The following ACVR2A variants were observed in gnomAD, a reference collection of about 807,000 sequenced individuals.
ACVR2A encodes activin A receptor type 2A, also known as activin receptor type-2A.
ACVR2A carries 7 observed loss-of-function variants against 61.4 expected under a neutral mutation model. The ratio of observed to expected loss-of-function variants is 0.11; its 90% CI spans 0.06 to 0.21. The LOEUF is 0.21. Among genes scored for constraint, ACVR2A ranks in the 10% least tolerant of loss-of-function variants. The probability of loss-of-function intolerance (pLI) is 1.00; values close to 1 mark genes in which losing one functional copy is unlikely to be tolerated. For missense variants in ACVR2A, 322 were observed against 621.7 expected, an observed-to-expected ratio of 0.52 and a Z score of 5.13; for synonymous variants, 193 against 208.3, an observed-to-expected ratio of 0.93 and a Z score of 0.63.
In ACVR2A at chr2:147,929,518, T is replaced by G. The variant is rs1322724952; in HGVS notation, c.*2244T>G. 6.6e-6 allele frequency: 1 copy of G among 152,466 alleles called. No homozygotes were observed. Among genetic ancestry groups the G allele is most frequent in the Admixed American group, 6.6e-5 (1 of 15,212 alleles). The allele number at this position is 152,466 out of a possible 1,614,324, so 9.4% of individuals were successfully genotyped here. ...TTTTTAGAAATCCTGGGTATTGTAT[T>G]TAACTGTAGCTAACCAATTTTAAAA... On this transcript the variant is annotated 3_prime_UTR_variant, in exon 11 of 11. Coordinates refer to ENST00000241416, the MANE Select transcript of ACVR2A (RefSeq NM_001616.5).
intron 9 of ACVR2A, among the ~76,000 whole-genome samples, chr2:147,923,745 AATAAT>A (rs1392519384): frequency 6.6e-6 from 1 of 151,964 alleles, no homozygotes; most frequent in Non-Finnish European, 1.5e-5. Context: ...TTTTGTTTTG[AATAAT>A]ATAAGGCAAA....
intron 1 of ACVR2A, among the ~76,000 whole-genome samples, chr2:147,892,646 A>G (rs1320378881): frequency 6.6e-6 from 1 of 151,798 alleles, no homozygotes; most frequent in East Asian, 1.9e-4. Flanking sequence ...AAAACAAAAA[A>G]TTAGTAAAAT....
intron 1 of ACVR2A, among the ~76,000 whole-genome samples, chr2:147,851,708 G>A (rs1333612417): frequency 2.0e-5 from 3 of 152,014 alleles, no homozygotes; most frequent in African/African-American, 7.2e-5. Flanking sequence ...AAATGACCTT[G>A]ATTTCAGTAA....
intron 1 of ACVR2A, among the ~76,000 whole-genome samples, chr2:147,880,211 A>T (rs974969617): frequency 3.3e-5 from 5 of 151,460 alleles, no homozygotes; most frequent in East Asian, 3.9e-4. Flanking sequence ...TTTTTATTTT[A>T]AAAAAAATTT....
intron 1 of ACVR2A, 28 bp downstream of exon 1, chr2:147,845,235 GGCTGCTCCTGCGGCCGCGGCGGCC>G (rs762655308): frequency 1.2e-6 from 2 of 1,606,754 alleles, no homozygotes; most frequent in Non-Finnish European, 8.5e-7. Flanking sequence ...GGCGCGGTGG[GGCTGCTCCTGCGGCCGCGGCGGCC>G]GCTGCTGGGG....
At chr2:147,899,059 T>C (rs1686812803) in intron 2 of ACVR2A, among the ~76,000 whole-genome samples, 1 of 152,138 alleles carries the variant, frequency 6.6e-6, no homozygotes. Flanking sequence ...TTTTCAGTTT[T>C]TGTATTCACA....
intron 1 of ACVR2A, among the ~76,000 whole-genome samples, chr2:147,883,401 G>A (rs1362107697): frequency 6.6e-6 from 1 of 152,188 alleles, no homozygotes; most frequent in East Asian, 1.9e-4. Flanking sequence ...ATGTTGGCCA[G>A]GCTGGTCTAA....
At chr2:147,883,769 T>C (rs901796325) in intron 1 of ACVR2A, among the ~76,000 whole-genome samples, 7 of 152,182 alleles carry the variant, frequency 4.6e-5, no homozygotes, top group Non-Finnish European at 7.4e-5. Flanking sequence ...GACCAAATAT[T>C]GCTTTGATGG....
chr2:147,846,385 T>G (rs554614276), intron 1 of ACVR2A, among the ~76,000 whole-genome samples: 117 of 150,646 alleles, frequency 7.8e-4, no homozygotes, highest in East Asian at 2.1e-3. Flanking sequence ...CTCTGTGGGG[T>G]GTGTGTGTGT....
intron 1 of ACVR2A, among the ~76,000 whole-genome samples, chr2:147,877,200 C>T (rs1279262472): frequency 2.6e-5 from 4 of 151,974 alleles, no homozygotes; most frequent in Non-Finnish European, 5.9e-5. Context: ...TTCAGTGGCC[C>T]ACTAGTAAGA....
chr2:147,857,259 C>A (rs1237794535), intron 1 of ACVR2A, among the ~76,000 whole-genome samples: 1 of 151,842 alleles, frequency 6.6e-6, no homozygotes, highest in African/African-American at 2.4e-5. Context: ...CTAGAATATC[C>A]CCACATCAAG....
intron 1 of ACVR2A, among the ~76,000 whole-genome samples, chr2:147,859,284 T>A (rs976284782): frequency 3.9e-4 from 60 of 152,188 alleles, no homozygotes; most frequent in African/African-American, 1.4e-3. Flanking sequence ...TTCTACCTGC[T>A]GGGGTTTGCA....
intron 1 of ACVR2A, among the ~76,000 whole-genome samples, chr2:147,875,159 T>C (rs1237379489): frequency 6.6e-6 from 1 of 151,970 alleles, no homozygotes; most frequent in Non-Finnish European, 1.5e-5. Flanking sequence ...ATTATAAATT[T>C]TTTTCTCACA....
At chr2:147,914,363 T>C (rs1014643671) in intron 4 of ACVR2A, among the ~76,000 whole-genome samples, 2 of 152,044 alleles carry the variant, frequency 1.3e-5, no homozygotes, top group African/African-American at 2.4e-5. Flanking sequence ...TGCATTCTGC[T>C]TTGATAGGAT....
intron 4 of ACVR2A, chr2:147,902,751 G>T (rs1336850733): frequency 6.6e-6 from 1 of 151,902 alleles, no homozygotes; most frequent in East Asian, 1.9e-4. Context: ...CTTTTTCGAA[G>T]GGTAGGAGAA....
At chr2:147,855,426 A>G (rs1416258744) in intron 1 of ACVR2A, among the ~76,000 whole-genome samples, 1 of 152,202 alleles carries the variant, frequency 6.6e-6, no homozygotes, top group Non-Finnish European at 1.5e-5. Flanking sequence ...GGCAGTGTGA[A>G]GCAAAGAGTT....
chr2:147,877,433 G>C (rs891682090), intron 1 of ACVR2A: 3 of 152,028 alleles, frequency 2.0e-5, no homozygotes, highest in Non-Finnish European at 4.4e-5. Context: ...TGCTTGCTTT[G>C]GCAGCACATA....
rs183521902 is a variant in ACVR2A at position 147,877,080 on chromosome 2, G to A, written c.56-19221G>A. On this transcript the variant is annotated intron_variant, in intron 1 of 10. Coordinates refer to ENST00000241416, the MANE Select transcript of ACVR2A (RefSeq NM_001616.5). ...TTTTATGCTCTGGGTGGACCTGAAC[G>A]TAAAAGTTGGCCAGCTGTGGCCTTA... 7.1e-3 allele frequency among the ~76,000 whole-genome samples: 1,084 copies of A among 152,228 alleles called. 7 individuals are homozygous for A. Among genetic ancestry groups the A allele is most frequent in the Admixed American group, 0.011 (173 of 15,272 alleles).
chr2:147,866,740 C>T (rs559334631), intron 1 of ACVR2A, among the ~76,000 whole-genome samples: 1 of 152,234 alleles, frequency 6.6e-6, no homozygotes, highest in Non-Finnish European at 1.5e-5. Context: ...TCATTCAATG[C>T]TTTAGAATGA....
Sources: allele counts gnomAD v4.1 joint callset (sites outside exome capture counted in the v4.1 genomes callset), GRCh38; gene constraint gnomAD v4.1.1; transcripts MANE v1.5; gene names NCBI Gene and HGNC (gene_info 2026-07-23, HGNC 2026-07-21).